Variants in EDIL3 observed in about 807,000 individuals in gnomAD.
EDIL3 encodes EGF like and discoidin domains 3, also known as EGF-like repeat and discoidin I-like domain-containing protein 3.
EDIL3 carries 37 observed loss-of-function variants against 67.4 expected under a neutral mutation model. The ratio of observed to expected loss-of-function variants is 0.55; its 90% confidence interval spans 0.42 to 0.72. The LOEUF (loss-of-function observed/expected upper bound fraction) is 0.72, where lower values mean the gene tolerates loss of function less well. EDIL3 is among the 30% of genes least tolerant of loss of function. The pLI is 0.00. For synonymous variants in EDIL3, 195 were observed against 196.3 expected, an observed-to-expected ratio of 0.99 and a Z score of 0.05; for missense variants, 527 against 586.3, an observed-to-expected ratio of 0.90 and a Z score of 1.04.
intron 6 of EDIL3, among the ~76,000 whole-genome samples, chr5:84,092,712 A>G (rs1177368537): frequency 1.3e-5 from 2 of 152,196 alleles, no homozygotes; most frequent in Non-Finnish European, 2.9e-5. Flanking sequence ...TAAAGTTTCT[A>G]AACTCATGGT....
At chr5:84,257,320 C>G (rs895868017) in intron 1 of EDIL3, among the ~76,000 whole-genome samples, 3 of 152,168 alleles carry the variant, frequency 2.0e-5, no homozygotes, top group African/African-American at 7.2e-5. Flanking sequence ...CTGCTCAAGT[C>G]TCATTATATC....
intron 3 of EDIL3, among the ~76,000 whole-genome samples, chr5:84,200,990 AG>A (rs1233896769): frequency 3.3e-5 from 5 of 152,134 alleles, no homozygotes; most frequent in Non-Finnish European, 7.4e-5. Context: ...AAGGTCACTC[AG>A]GCATAGAGCA....
chr5:84,015,048 C>A (rs907842559), intron 9 of EDIL3, among the ~76,000 whole-genome samples: 3 of 152,146 alleles, frequency 2.0e-5, no homozygotes, highest in Non-Finnish European at 4.4e-5. Context: ...TGCTCTTATT[C>A]TATGATGAAT....
chr5:84,281,682 TCTAATCTAATC>T (rs1745706363), intron 1 of EDIL3, among the ~76,000 whole-genome samples: 1 of 152,188 alleles, frequency 6.6e-6, no homozygotes, highest in Non-Finnish European at 1.5e-5. Context: ...CCAGATGCTC[TCTAATCTAATC>T]CTGGCTCTGC....
intron 6 of EDIL3, among the ~76,000 whole-genome samples, chr5:84,069,688 C>T (rs550993085): frequency 5.3e-5 from 8 of 152,084 alleles, no homozygotes; most frequent in African/African-American, 7.2e-5. Flanking sequence ...TATGGGGTGG[C>T]GACAGGGAAG....
chr5:84,177,158 T>C (rs184332335), intron 4 of EDIL3, among the ~76,000 whole-genome samples: 1 of 152,294 alleles, frequency 6.6e-6, no homozygotes, highest in East Asian at 1.9e-4. Context: ...GCAGCTTTAT[T>C]TATAATTGCC....
chr5:84,333,655 G>C (rs1186959753), intron 1 of EDIL3, among the ~76,000 whole-genome samples: 2 of 152,012 alleles, frequency 1.3e-5, no homozygotes, highest in African/African-American at 4.8e-5. Flanking sequence ...AGACTAAAAG[G>C]CCTTAAAGTA....
chr5:84,319,037 C>A (rs1049750999), intron 1 of EDIL3, among the ~76,000 whole-genome samples: 4 of 152,114 alleles, frequency 2.6e-5, no homozygotes, highest in Non-Finnish European at 5.9e-5. Context: ...ATGCAGCCAA[C>A]AGACATATGA....
At chr5:84,214,328 T>C (rs1744184569) in intron 3 of EDIL3, among the ~76,000 whole-genome samples, 2 of 152,108 alleles carry the variant, frequency 1.3e-5, no homozygotes, top group Non-Finnish European at 2.9e-5. Flanking sequence ...CTCAGGGAGA[T>C]AAAAATCCTC....
chr5:84,314,358 T>C (rs1209870508), intron 1 of EDIL3, among the ~76,000 whole-genome samples: 1 of 152,210 alleles, frequency 6.6e-6, no homozygotes, highest in Non-Finnish European at 1.5e-5. Flanking sequence ...TGAATCACTC[T>C]GCTAGGTCTT....
intron 1 of EDIL3, among the ~76,000 whole-genome samples, chr5:84,304,792 T>C (rs1410789148): frequency 6.6e-6 from 1 of 152,152 alleles, no homozygotes; most frequent in Non-Finnish European, 1.5e-5. Context: ...ATACAACAAT[T>C]GGATGCAAGC....
At chr5:84,177,028 A>C (rs1430222667) in intron 4 of EDIL3, among the ~76,000 whole-genome samples, 7 of 152,120 alleles carry the variant, frequency 4.6e-5, no homozygotes, top group African/African-American at 7.2e-5. Context: ...GACCTTTTGA[A>C]GCTTCTTTTA....
chr5:83,993,275 T>G (rs1418566398), intron 9 of EDIL3, among the ~76,000 whole-genome samples: 1 of 152,168 alleles, frequency 6.6e-6, no homozygotes, highest in African/African-American at 2.4e-5. Context: ...TCGGCTCAGT[T>G]GATCATCCTA....
intron 8 of EDIL3, 29 bp from the exon 9 acceptor site, chr5:84,060,513 G>A: frequency 6.2e-7 from 1 of 1,608,734 alleles, no homozygotes; most frequent in Non-Finnish European, 8.5e-7. Context: ...GGCTCCATGA[G>A]AAAAATAATT....
At chr5:84,089,076 A>G (rs1249403016) in intron 6 of EDIL3, among the ~76,000 whole-genome samples, 4 of 152,176 alleles carry the variant, frequency 2.6e-5, no homozygotes, top group African/African-American at 9.7e-5. Context: ...GAAATAGGAG[A>G]AGATGAAACT....
intron 9 of EDIL3, among the ~76,000 whole-genome samples, chr5:83,984,972 CA>C (rs1745034118): frequency 6.6e-6 from 1 of 151,462 alleles, no homozygotes; most frequent in African/African-American, 2.4e-5. Flanking sequence ...CACACACACA[CA>C]CACACCCCAT....
chr5:84,252,171 A>G (rs1358379831), intron 2 of EDIL3, among the ~76,000 whole-genome samples: 1 of 152,134 alleles, frequency 6.6e-6, no homozygotes, highest in Non-Finnish European at 1.5e-5. Context: ...TTAAAAGTAT[A>G]GCCCAAAAGT....
At chr5:84,271,120 C>T (rs1745464546) in intron 1 of EDIL3, among the ~76,000 whole-genome samples, 1 of 152,056 alleles carries the variant, frequency 6.6e-6, no homozygotes, top group Non-Finnish European at 1.5e-5. Flanking sequence ...ACCTAATTGA[C>T]CCTATTTGAA....
intron 9 of EDIL3, among the ~76,000 whole-genome samples, chr5:84,020,659 T>C (rs1039286690): frequency 1.3e-4 from 19 of 151,954 alleles, no homozygotes; most frequent in Non-Finnish European, 2.1e-4. Context: ...TGAGATCTAT[T>C]TTAGTGATTT....
Sources: allele counts gnomAD v4.1 joint callset (sites outside exome capture counted in the v4.1 genomes callset), GRCh38; gene constraint gnomAD v4.1.1; transcripts MANE v1.5; gene names NCBI Gene and HGNC (gene_info 2026-07-23, HGNC 2026-07-21).